The following CDKAL1 variants were observed in gnomAD, a reference collection of about 807,000 sequenced individuals.
CDKAL1 encodes the protein CDKAL1 threonylcarbamoyladenosine tRNA methylthiotransferase, also known as threonylcarbamoyladenosine tRNA methylthiotransferase.
A neutral mutation model predicts 68.2 loss-of-function variants in CDKAL1; 32 were observed. That is an observed-to-expected ratio of 0.47 (90% CI 0.35 to 0.63). The LOEUF (loss-of-function observed/expected upper bound fraction) is 0.63, where lower values mean the gene tolerates loss of function less well. CDKAL1 is among the 30% of genes least tolerant of loss of function. The pLI is 0.00. For missense variants in CDKAL1, 606 were observed against 696.7 expected, an observed-to-expected ratio of 0.87 and a Z score of 1.47; for synonymous variants, 234 against 244.3, an observed-to-expected ratio of 0.96 and a Z score of 0.39.
At chr6:20,882,617 G>A (rs1165076881) in intron 9 of CDKAL1, among the ~76,000 whole-genome samples, 1 of 152,052 alleles carries the variant, frequency 6.6e-6, no homozygotes, top group Non-Finnish European at 1.5e-5. Flanking sequence ...ATTGTTTCAT[G>A]TTCATTCCTT....
intron 8 of CDKAL1, among the ~76,000 whole-genome samples, chr6:20,824,577 G>A (rs1237343229): frequency 5.9e-5 from 9 of 152,152 alleles, no homozygotes; most frequent in African/African-American, 2.2e-4. Flanking sequence ...TTGCCATGTG[G>A]CCTGCTCCAT....
chr6:20,909,943 C>T (rs983489239), intron 9 of CDKAL1, among the ~76,000 whole-genome samples: 1 of 152,158 alleles, frequency 6.6e-6, no homozygotes, highest in African/African-American at 2.4e-5. Context: ...TGATTAAATC[C>T]ACTTTCACCT....
intron 11 of CDKAL1, among the ~76,000 whole-genome samples, chr6:21,030,043 C>G (rs1769187527): frequency 6.6e-6 from 1 of 152,090 alleles, no homozygotes; most frequent in Non-Finnish European, 1.5e-5. Context: ...TATTGCAGCA[C>G]TATTTACAAT....
At chr6:20,927,008 A>G (rs913123408) in intron 9 of CDKAL1, among the ~76,000 whole-genome samples, 32 of 151,486 alleles carry the variant, frequency 2.1e-4, no homozygotes, top group Non-Finnish European at 4.4e-4. Context: ...TAAGCTGCCC[A>G]TATCTAAATG....
At chr6:20,835,682 G>A (rs1309868028) in intron 8 of CDKAL1, among the ~76,000 whole-genome samples, 1 of 151,950 alleles carries the variant, frequency 6.6e-6, no homozygotes, top group African/African-American at 2.4e-5. Context: ...CCAGTAGCTG[G>A]GATTACAGGC....
chr6:21,114,773 G>T (rs900091966), intron 13 of CDKAL1, among the ~76,000 whole-genome samples: 6 of 151,972 alleles, frequency 3.9e-5, no homozygotes, highest in African/African-American at 1.2e-4. Flanking sequence ...GATAAAAGAC[G>T]GCACTAGGCA....
intron 5 of CDKAL1, among the ~76,000 whole-genome samples, chr6:20,654,796 A>AT (rs1308411928): frequency 1.3e-5 from 2 of 151,964 alleles, no homozygotes; most frequent in Non-Finnish European, 2.9e-5. Flanking sequence ...TGGGTCCTCT[A>AT]TTTCATTCCT....
rs528949787 is a variant in CDKAL1, at chr6:20,925,831, T to A, written c.743-29588T>A. Among the ~76,000 whole-genome samples the A allele has an allele frequency of 2.0e-5, 3 of 152,292 alleles. No individual in the cohort carries two copies. In the East Asian group the frequency reaches 5.8e-4, roughly 29 times the overall value. ...CAGAGTACTGTGACATTTTCAACACTATTATCAATTTTGTTCCTCTCTTTT... is the reference window on the plus strand; with the variant it reads ...CAGAGTACTGTGACATTTTCAACACAATTATCAATTTTGTTCCTCTCTTTT... On this transcript the variant is annotated intron_variant, in intron 9 of 15. Coordinates refer to ENST00000274695, the MANE Select transcript of CDKAL1 (RefSeq NM_017774.3).
At chr6:20,599,885 A>G (rs1766007680) in intron 4 of CDKAL1, among the ~76,000 whole-genome samples, 1 of 152,168 alleles carries the variant, frequency 6.6e-6, no homozygotes, top group Admixed American at 6.5e-5. Flanking sequence ...CATTTGGTTT[A>G]CTGATAATCA....
chr6:20,811,356 G>A (rs1437489976), intron 8 of CDKAL1, among the ~76,000 whole-genome samples: 1 of 152,144 alleles, frequency 6.6e-6, no homozygotes, highest in Non-Finnish European at 1.5e-5. Flanking sequence ...ATGTCGAGAC[G>A]CTGAGGTCAT....
chr6:20,917,643 T>C (rs886421939), intron 9 of CDKAL1, among the ~76,000 whole-genome samples: 1 of 152,138 alleles, frequency 6.6e-6, no homozygotes, highest in Admixed American at 6.5e-5. Context: ...TTTTTTTCCC[T>C]CACTCCCATC....
intron 7 of CDKAL1, among the ~76,000 whole-genome samples, chr6:20,762,364 A>G (rs1170003161): frequency 1.3e-5 from 2 of 152,214 alleles, no homozygotes; most frequent in Admixed American, 1.3e-4. Flanking sequence ...TTAAGCCTTC[A>G]TAATGCAACA....
intron 11 of CDKAL1, among the ~76,000 whole-genome samples, chr6:21,056,999 G>A (rs62403414): frequency 5.9e-5 from 9 of 151,910 alleles, no homozygotes; most frequent in East Asian, 5.8e-4. Context: ...TTATTGCATC[G>A]TTGCCAGATT....
chr6:20,599,432 C>T, intron 4 of CDKAL1: 2 of 439,778 alleles, frequency 4.5e-6, no homozygotes, highest in South Asian at 3.3e-5. Flanking sequence ...AGAAGACCTA[C>T]TCTTTCTGGA....
At chr6:20,618,537 A>T (rs530373379) in intron 4 of CDKAL1, among the ~76,000 whole-genome samples, 1 of 152,208 alleles carries the variant, frequency 6.6e-6, no homozygotes, top group Non-Finnish European at 1.5e-5. Context: ...GAAAGTGTGC[A>T]TAAGGCTTAA....
intron 5 of CDKAL1, among the ~76,000 whole-genome samples, chr6:20,680,600 T>C (rs964607160): frequency 6.6e-6 from 1 of 152,194 alleles, no homozygotes; most frequent in African/African-American, 2.4e-5. Context: ...TAGGACAGAT[T>C]GTCACTTGTC....
chr6:20,980,145 A>G (rs911597255), intron 10 of CDKAL1, among the ~76,000 whole-genome samples: 2 of 152,074 alleles, frequency 1.3e-5, no homozygotes, highest in Non-Finnish European at 2.9e-5. Context: ...AAATATATGT[A>G]TAAAATAAAA....
intron 7 of CDKAL1, among the ~76,000 whole-genome samples, chr6:20,778,045 A>G (rs1428885566): frequency 6.6e-6 from 1 of 152,180 alleles, no homozygotes; most frequent in East Asian, 1.9e-4. Context: ...CAATAGCACA[A>G]AAGAGGAAGA....
intron 5 of CDKAL1, among the ~76,000 whole-genome samples, chr6:20,738,376 C>G (rs1055096521): frequency 6.6e-6 from 1 of 151,670 alleles, no homozygotes; most frequent in African/African-American, 2.4e-5. Context: ...TATGCATACC[C>G]GAGTGAATAA....
Sources: gnomAD v4.1 joint callset for allele counts (sites outside exome capture counted in the v4.1 genomes callset) on GRCh38, gnomAD v4.1.1 for gene constraint, MANE v1.5 for transcripts, NCBI Gene and HGNC (gene_info 2026-07-23, HGNC 2026-07-21) for gene names.